The following CLSTN2 variants were observed in gnomAD, a reference collection of about 807,000 sequenced individuals.
CLSTN2 encodes calsyntenin 2, also known as calsyntenin-2.
A neutral mutation model predicts 101.2 loss-of-function variants in CLSTN2; 48 were observed. The observed-to-expected ratio is 0.47, with a 90% CI of 0.38 to 0.60. The LOEUF (loss-of-function observed/expected upper bound fraction) is 0.60, where lower values mean the gene tolerates loss of function less well. CLSTN2 is among the 20% of genes least tolerant of loss of function. The probability of loss-of-function intolerance (pLI) is 0.00; values close to 1 mark genes in which losing one functional copy is unlikely to be tolerated. For synonymous variants in CLSTN2, 481 were observed against 463.6 expected (o/e 1.04, Z -0.48); for missense variants, 1,160 against 1,238.2 (o/e 0.94, Z 0.95).
intron 4 of CLSTN2, among the ~76,000 whole-genome samples, chr3:140,413,247 G>A (rs1600405): frequency 0.67 from 101,919 of 151,934 alleles, 34,639 homozygotes; most frequent in South Asian, 0.74. Flanking sequence ...TCAAAGGATG[G>A]TAAGAGACTG....
intron 4 of CLSTN2, among the ~76,000 whole-genome samples, chr3:140,411,226 C>T (rs545182021): frequency 1.8e-4 from 28 of 151,980 alleles, no homozygotes; most frequent in African/African-American, 6.0e-4. Context: ...AGTGAAGGTA[C>T]GATAAAAGAT....
intron 5 of CLSTN2, among the ~76,000 whole-genome samples, chr3:140,448,209 C>CTG (rs55857773): frequency 0.33 from 49,041 of 147,880 alleles, 9,183 homozygotes; most frequent in Middle Eastern, 0.47. Context: ...GAGGGTGTGA[C>CTG]TGTGTGTGTG....
intron 2 of CLSTN2, among the ~76,000 whole-genome samples, chr3:140,402,261 G>T (rs2088250941): frequency 6.6e-6 from 1 of 152,148 alleles, no homozygotes; most frequent in African/African-American, 2.4e-5. Flanking sequence ...TCCATGGAGT[G>T]GTTCCTTAGA....
At chr3:140,017,095 T>C (rs537538694) in intron 1 of CLSTN2, among the ~76,000 whole-genome samples, 1 of 152,332 alleles carries the variant, frequency 6.6e-6, no homozygotes. Context: ...TTCAGTTACA[T>C]GCCTGTGGTG....
At chr3:140,245,242 G>T (rs560823782) in intron 2 of CLSTN2, among the ~76,000 whole-genome samples, 3 of 152,118 alleles carry the variant, frequency 2.0e-5, no homozygotes, top group Non-Finnish European at 4.4e-5. Flanking sequence ...ATCTAAGTAG[G>T]TCTGTGAAAA....
At chr3:139,974,995 G>T (rs1415806519) in intron 1 of CLSTN2, among the ~76,000 whole-genome samples, 1 of 152,180 alleles carries the variant, frequency 6.6e-6, no homozygotes, top group African/African-American at 2.4e-5. Flanking sequence ...CACTCTGAGT[G>T]CCTCACTCTC....
At chr3:140,138,616 G>A (rs541907468) in intron 1 of CLSTN2, among the ~76,000 whole-genome samples, 25 of 152,156 alleles carry the variant, frequency 1.6e-4, no homozygotes, top group Non-Finnish European at 3.4e-4. Flanking sequence ...TCTTATCTTG[G>A]AGTTTTGTGG....
chr3:140,205,625 A>G (rs59611009), intron 2 of CLSTN2, among the ~76,000 whole-genome samples: 2 of 71,324 alleles, frequency 2.8e-5, no homozygotes, highest in African/African-American at 3.7e-5. Context: ...CCCGCCCCCC[A>G]CCCACACACA....
At chr3:140,313,749 C>G (rs2087197647) in intron 2 of CLSTN2, among the ~76,000 whole-genome samples, 1 of 152,188 alleles carries the variant, frequency 6.6e-6, no homozygotes, top group African/African-American at 2.4e-5. Context: ...GTCCAGACAT[C>G]ATAATGACTT....
chr3:140,282,629 TC>T (rs5852977), intron 2 of CLSTN2, among the ~76,000 whole-genome samples: 76,980 of 151,896 alleles, frequency 0.51, 20,479 homozygotes, highest in East Asian at 0.96. Flanking sequence ...CAAGGATTCC[TC>T]CCATATTTGT....
chr3:140,266,153 A>G (rs368987502), intron 2 of CLSTN2, among the ~76,000 whole-genome samples: 1 of 152,274 alleles, frequency 6.6e-6, no homozygotes, highest in Admixed American at 6.5e-5. Flanking sequence ...TGCACTCAGT[A>G]TTGGCACACC....
chr3:140,228,187 A>T (rs2086340223), intron 2 of CLSTN2, among the ~76,000 whole-genome samples: 1 of 152,228 alleles, frequency 6.6e-6, no homozygotes, highest in South Asian at 2.1e-4. Flanking sequence ...TGCCTTTAAC[A>T]GCACCCAAGT....
At chr3:140,162,270 G>C (rs1274157531) in intron 1 of CLSTN2, among the ~76,000 whole-genome samples, 1 of 152,152 alleles carries the variant, frequency 6.6e-6, no homozygotes, top group Non-Finnish European at 1.5e-5. Flanking sequence ...TTTTGTGCTG[G>C]GTTAGGGATA....
chr3:139,974,685 T>C (rs541246676), intron 1 of CLSTN2, among the ~76,000 whole-genome samples: 3 of 152,346 alleles, frequency 2.0e-5, no homozygotes, highest in African/African-American at 7.2e-5. Context: ...GAGGTAGAAA[T>C]GAGCTTTTAT....
At chr3:140,469,683 G>A (rs936387115) in intron 8 of CLSTN2, among the ~76,000 whole-genome samples, 1 of 152,130 alleles carries the variant, frequency 6.6e-6, no homozygotes, top group African/African-American at 2.4e-5. Flanking sequence ...TGGAGGGCAC[G>A]GTCGTGTCTT....
At chr3:140,016,902 C>G (rs1013403234) in intron 1 of CLSTN2, among the ~76,000 whole-genome samples, 3 of 151,800 alleles carry the variant, frequency 2.0e-5, no homozygotes, top group African/African-American at 2.4e-5. Context: ...CTGTAAGCTT[C>G]CAGTCAAAGT....
intron 1 of CLSTN2, among the ~76,000 whole-genome samples, chr3:140,134,173 T>A (rs1486331686): frequency 1.3e-5 from 2 of 152,208 alleles, no homozygotes; most frequent in Non-Finnish European, 1.5e-5. Context: ...TTGTGGGATC[T>A]CCTCTAAATC....
At chr3:139,970,094 A>T (rs1405777688) in intron 1 of CLSTN2, among the ~76,000 whole-genome samples, 1 of 152,156 alleles carries the variant, frequency 6.6e-6, no homozygotes, top group Non-Finnish European at 1.5e-5. Flanking sequence ...GGTAATACAA[A>T]GTAGTGTCTG....
intron 1 of CLSTN2, among the ~76,000 whole-genome samples, chr3:139,971,012 AAATC>A (rs1490307349): frequency 6.6e-6 from 1 of 152,182 alleles, no homozygotes. Flanking sequence ...TGCCTTGAGG[AAATC>A]AATCAAAGGG....
Sources: allele counts gnomAD v4.1 joint callset (sites outside exome capture counted in the v4.1 genomes callset), GRCh38; gene constraint gnomAD v4.1.1; transcripts MANE v1.5; gene names NCBI Gene and HGNC (gene_info 2026-07-23, HGNC 2026-07-21).